The following TRDN variants were observed in gnomAD, a reference collection of about 807,000 sequenced individuals.
The protein encoded by TRDN is triadin in skeletal muscle.
A neutral mutation model predicts 149.7 loss-of-function variants in TRDN; 161 were observed. That is an observed-to-expected ratio of 1.08 (90% CI 0.95 to 1.23). The LOEUF (loss-of-function observed/expected upper bound fraction) is 1.23, where lower values mean the gene tolerates loss of function less well. TRDN is among the 50% of genes most tolerant of loss of function. The pLI, the probability that TRDN is intolerant of heterozygous loss-of-function variation, is 0.00. For missense variants in TRDN, 896 were observed against 823.5 expected, an observed-to-expected ratio of 1.09 and a Z score of -1.08; for synonymous variants, 294 against 250.5, an observed-to-expected ratio of 1.17 and a Z score of -1.64.
At chr6:123,269,960 T>G in intron 30 of TRDN, 94 bp from the exon 31 acceptor site, 1 of 1,211,906 alleles carries the variant, frequency 8.3e-7, no homozygotes, top group South Asian at 1.5e-5. Context: ...ATTCTTAGTT[T>G]TAGGTCACCT....
intron 21 of TRDN, chr6:123,351,890 T>C (rs1464977337): frequency 1.0e-6 from 1 of 984,848 alleles, no homozygotes; most frequent in Non-Finnish European, 1.2e-6. Context: ...CCACATCACT[T>C]TAAATGTTTT....
intron 1 of TRDN, among the ~76,000 whole-genome samples, chr6:123,623,119 C>T (rs1785480605): frequency 6.6e-6 from 1 of 152,034 alleles, no homozygotes; most frequent in South Asian, 2.1e-4. Flanking sequence ...GGAAGTATGT[C>T]ATTCCATTTA....
chr6:123,346,109 C>A (rs1780237271), intron 21 of TRDN, among the ~76,000 whole-genome samples: 1 of 152,032 alleles, frequency 6.6e-6, no homozygotes, highest in African/African-American at 2.4e-5. Context: ...TGTTCCTGAC[C>A]TCAGCAAGAG....
At chr6:123,603,419 T>C (rs1452430842) in intron 1 of TRDN, among the ~76,000 whole-genome samples, 1 of 152,110 alleles carries the variant, frequency 6.6e-6, no homozygotes, top group Non-Finnish European at 1.5e-5. Flanking sequence ...TTTTCTGTAT[T>C]GAGGTCTGTG....
At chr6:123,528,853 C>A (rs981383730) in intron 5 of TRDN, 107 of 1,019,820 alleles carry the variant, frequency 1.0e-4, no homozygotes, top group African/African-American at 2.1e-4. Flanking sequence ...CAGTGTGGAG[C>A]AACTGAAGCT....
intron 12 of TRDN, among the ~76,000 whole-genome samples, chr6:123,416,553 T>C (rs1303871068): frequency 6.6e-6 from 1 of 152,200 alleles, no homozygotes; most frequent in African/African-American, 2.4e-5. Context: ...CCATATTCTC[T>C]ATCCACTTGC....
At chr6:123,296,896 G>C (rs1778222101) in intron 24 of TRDN, among the ~76,000 whole-genome samples, 2 of 152,058 alleles carry the variant, frequency 1.3e-5, no homozygotes, top group South Asian at 4.2e-4. Flanking sequence ...AATTGTCTCT[G>C]ACAATTAGAA....
intron 1 of TRDN, among the ~76,000 whole-genome samples, chr6:123,629,275 A>T (rs1785842367): frequency 6.6e-6 from 1 of 152,154 alleles, no homozygotes; most frequent in African/African-American, 2.4e-5. Flanking sequence ...GAACGTCTGT[A>T]TAAATGGAAA....
At chr6:123,394,825 T>C (rs1772652857) in intron 12 of TRDN, among the ~76,000 whole-genome samples, 2 of 152,144 alleles carry the variant, frequency 1.3e-5, no homozygotes, top group African/African-American at 4.8e-5. Flanking sequence ...TTGCCAAAAC[T>C]GAATTCAGTC....
intron 2 of TRDN, among the ~76,000 whole-genome samples, chr6:123,558,162 G>A (rs1381608457): frequency 1.3e-5 from 2 of 151,998 alleles, no homozygotes; most frequent in Non-Finnish European, 2.9e-5. Context: ...TCCCAATGCA[G>A]CTTGTCCCAA....
chr6:123,574,202 A>G (rs1278904445), intron 1 of TRDN, among the ~76,000 whole-genome samples: 2 of 152,004 alleles, frequency 1.3e-5, no homozygotes, highest in Non-Finnish European at 2.9e-5. Flanking sequence ...AGATGTTTAA[A>G]TGGCTTTAGG....
intron 18 of TRDN, among the ~76,000 whole-genome samples, 172 bp from the exon 19 acceptor site, chr6:123,375,803 T>C (rs889725662): frequency 6.6e-6 from 1 of 152,180 alleles, no homozygotes; most frequent in Non-Finnish European, 1.5e-5. Flanking sequence ...ATTTTTCTGA[T>C]ATAATCCAAA....
intron 1 of TRDN, among the ~76,000 whole-genome samples, chr6:123,588,199 A>G (rs1783602376): frequency 6.6e-6 from 1 of 152,198 alleles, no homozygotes; most frequent in Non-Finnish European, 1.5e-5. Context: ...GAGACAGCCT[A>G]ATAAGGCCAT....
intron 1 of TRDN, among the ~76,000 whole-genome samples, chr6:123,584,779 G>A (rs2114594012): frequency 6.6e-6 from 1 of 152,284 alleles, no homozygotes; most frequent in South Asian, 2.1e-4. Flanking sequence ...GCATGTTTGA[G>A]ATCCAGAACA....
At chr6:123,291,705 A>G (rs1778019279) in intron 24 of TRDN, among the ~76,000 whole-genome samples, 1 of 152,230 alleles carries the variant, frequency 6.6e-6, no homozygotes, top group South Asian at 2.1e-4. Context: ...CTATGATTAA[A>G]GAAAATTATT....
At chr6:123,366,640 C>T (rs1562280309) in intron 19 of TRDN, among the ~76,000 whole-genome samples, 1 of 152,088 alleles carries the variant, frequency 6.6e-6, no homozygotes, top group African/African-American at 2.4e-5. Flanking sequence ...GCCCCAGCCT[C>T]CCGAGTAGCT....
At chr6:123,398,090 C>T (rs1772807440) in intron 12 of TRDN, among the ~76,000 whole-genome samples, 2 of 152,308 alleles carry the variant, frequency 1.3e-5, no homozygotes, top group African/African-American at 2.4e-5. Context: ...CTGCAACCTC[C>T]GCCTCCGGAG....
chr6:123,251,088 C>T (rs1776355030), intron 38 of TRDN, among the ~76,000 whole-genome samples: 1 of 152,138 alleles, frequency 6.6e-6, no homozygotes, highest in Non-Finnish European at 1.5e-5. Context: ...TGGAATAGGG[C>T]AGCTTCCAAG....
intron 7 of TRDN, among the ~76,000 whole-genome samples, chr6:123,504,531 T>C (rs746809851): frequency 3.3e-5 from 5 of 152,250 alleles, no homozygotes; most frequent in Admixed American, 6.5e-5. Context: ...GTGAAGAAAT[T>C]CAGATATTGG....
Sources: allele counts gnomAD v4.1 joint callset (sites outside exome capture counted in the v4.1 genomes callset), GRCh38; gene constraint gnomAD v4.1.1; transcripts MANE v1.5; gene names NCBI Gene and HGNC (gene_info 2026-07-23, HGNC 2026-07-21).